The following KANK4 variants were observed in gnomAD, a reference collection of about 807,000 sequenced individuals.
KANK4 encodes the protein KN motif and ankyrin repeat domain-containing protein 4.
Under a neutral mutation model 80.8 loss-of-function variants are expected in KANK4, and 50 were observed. That is an observed-to-expected ratio of 0.62 (90% CI 0.49 to 0.78). The LOEUF (loss-of-function observed/expected upper bound fraction) is 0.78. KANK4 is among the 30% of genes least tolerant of loss of function. The pLI, the probability that KANK4 is intolerant of heterozygous loss-of-function variation, is 0.00. For missense variants in KANK4, 1,196 were observed against 1,240.1 expected (o/e 0.96, Z 0.53); for synonymous variants, 465 against 506.9 (o/e 0.92, Z 1.11).
intron 8 of KANK4, 102 bp downstream of exon 8, chr1:62,252,965 A>G (rs1671657378): frequency 1.4e-6 from 2 of 1,415,482 alleles, no homozygotes; most frequent in Admixed American, 2.1e-5. Flanking sequence ...CCTTGGGTTA[A>G]AAACTACATG....
rs190008350 is a variant in KANK4 at position 62,271,612 on chromosome 1, G to A, written c.1901-23C>T. 346 of 1,539,770 alleles carry A rather than the reference G, an allele frequency of 2.2e-4. 1 individual carries two copies. In the African/African-American group the frequency reaches 4.2e-3, roughly 19 times the overall value. On this transcript the variant is annotated intron_variant, in intron 3 of 9. Coordinates refer to ENST00000371153, the MANE Select transcript of KANK4 (RefSeq NM_181712.5). ...TCTCTAGGCAGACACAACATCACAG[G>A]TTAGAATGATCTTGGGGATGCATGG...
At chr1:62,292,219 T>C (rs1672693755) in intron 1 of KANK4, among the ~76,000 whole-genome samples, 1 of 152,180 alleles carries the variant, frequency 6.6e-6, no homozygotes. Context: ...AAAAAGGATT[T>C]TTTCAGGTCA....
chr1:62,239,956 A>C (rs1363793624), intron 9 of KANK4, among the ~76,000 whole-genome samples: 1 of 152,174 alleles, frequency 6.6e-6, no homozygotes, highest in Non-Finnish European at 1.5e-5. Context: ...GCTATTGTGA[A>C]TAGTGCCACA....
At chr1:62,291,324 G>A (rs1323244392) in intron 1 of KANK4, among the ~76,000 whole-genome samples, 1 of 152,062 alleles carries the variant, frequency 6.6e-6, no homozygotes, top group Non-Finnish European at 1.5e-5. Flanking sequence ...CACATATTCA[G>A]GATATTAACC....
Position 62,273,830 on chromosome 1 carries a change from C to A in KANK4, c.1274G>T (p.Arg425Met). 1 of 1,614,232 alleles carries A rather than the reference C, an allele frequency of 6.2e-7. No individual in the cohort carries two copies. The highest frequency in any genetic ancestry group is 8.5e-7 in the Non-Finnish European group (1 of 1,180,038). ...TTCAATGCCCTTATCACACGACTCC[C>A]TGGTCAAGAGTCCATGGACAGGGTC... is the stretch of plus-strand genomic sequence containing the variant. ...NTDPVHGLLTRESCDKGIEVN... is the reference protein window; with the variant it reads ...NTDPVHGLLTMESCDKGIEVN... The change falls in exon 3 of 10, where the codon AGG becomes ATG. Residue 425 changes from arginine to methionine, a missense_variant. Transcript: ENST00000371153.
At chr1:62,308,379 G>A (rs999819317) in intron 1 of KANK4, among the ~76,000 whole-genome samples, 5 of 152,124 alleles carry the variant, frequency 3.3e-5, no homozygotes, top group Admixed American at 1.3e-4. Flanking sequence ...ACAAGAGCAG[G>A]GGTGGGAGGA....
intron 4 of KANK4, among the ~76,000 whole-genome samples, chr1:62,270,237 C>T (rs969269868): frequency 6.6e-6 from 1 of 152,102 alleles, no homozygotes; most frequent in Non-Finnish European, 1.5e-5. Flanking sequence ...TGGGGAGAGA[C>T]GTGACCTATA....
In KANK4 at chr1:62,266,767, G is replaced by A; in HGVS notation, c.2284C>T (p.Leu762=). 1 of 1,613,310 alleles carries A rather than the reference G, an allele frequency of 6.2e-7. No individual in the cohort carries two copies. Among genetic ancestry groups the A allele is most frequent in the South Asian group, 1.1e-5 (1 of 91,048 alleles). ...TCTGTGGTGGTCCCAGTTTCTGGCAGATGCTGGCTCAGTGCCCGGCATGCA... is the reference window on the plus strand; with the variant it reads ...TCTGTGGTGGTCCCAGTTTCTGGCAAATGCTGGCTCAGTGCCCGGCATGCA... ...LNACRALSQH[L]PETGTTTDQL... The change falls in exon 6 of 10, where the codon CTG becomes TTG. Residue 762 remains leucine, a synonymous_variant. Coordinates refer to ENST00000371153, the MANE Select transcript of KANK4 (RefSeq NM_181712.5).
rs1446756631 is a variant in KANK4 at position 62,281,540 on chromosome 1, C to G, written c.16+9G>C. ...TCTTAAACCAGGCCCTACAAAGCAG[C>G]TTGCCTACCATCTGTCTTCTCCATC... On this transcript the variant is annotated intron_variant, in intron 2 of 9. Coordinates refer to ENST00000371153, the MANE Select transcript of KANK4 (RefSeq NM_181712.5). The G allele has an allele frequency of 1.1e-5, 18 of 1,614,232 alleles. No individual in the cohort carries two copies. Among genetic ancestry groups the G allele is most frequent in the Non-Finnish European group, 1.3e-5 (15 of 1,180,034 alleles).
chr1:62,296,046 G>A (rs939084622), intron 1 of KANK4, among the ~76,000 whole-genome samples: 1 of 152,234 alleles, frequency 6.6e-6, no homozygotes, highest in Non-Finnish European at 1.5e-5. Flanking sequence ...GCTGCCTCAT[G>A]GCCCAGCCTC....
Position 62,238,374 on chromosome 1 carries a change from C to T in KANK4, c.2891G>A (p.Arg964His), listed in dbSNP as rs151055866. 1.6e-3 allele frequency: 2,524 copies of T among 1,613,634 alleles called. 3 individuals carry two copies. Among genetic ancestry groups the T allele is most frequent in the East Asian group, 3.7e-3 (167 of 44,862 alleles). ...CTTCAGAGCGATGGACAAAGCTGTGCGGCCAGCCTACAGGAGAAAAAGGAA... is the reference window on the plus strand; with the variant it reads ...CTTCAGAGCGATGGACAAAGCTGTGTGGCCAGCCTACAGGAGAAAAAGGAA... ...CDSSLTDKAG[R>H]TALSIALKSP... The change falls in exon 10 of 10, where the codon CGC becomes CAC. Residue 964 changes from arginine (R) to histidine (H), a missense_variant. By Grantham distance (29) the Arg-to-His change is conservative (BLOSUM62 0). This residue lies in a region of KANK4 where 1,154 missense variants were observed against 1,179.6 expected (regional missense o/e 0.98). Transcript: ENST00000371153.
intron 1 of KANK4, among the ~76,000 whole-genome samples, chr1:62,308,555 G>A (rs1644472576): frequency 6.6e-6 from 1 of 152,094 alleles, no homozygotes; most frequent in Admixed American, 6.6e-5. Context: ...GTCTCAGGAG[G>A]AATCACAAAG....
chr1:62,289,291 GC>G (rs1672632455), intron 1 of KANK4, among the ~76,000 whole-genome samples: 1 of 152,196 alleles, frequency 6.6e-6, no homozygotes, highest in Non-Finnish European at 1.5e-5. Context: ...TAAAGCACTT[GC>G]CCAGGTATCG....
intron 5 of KANK4, 110 bp from the exon 6 acceptor site, chr1:62,266,929 T>C: frequency 3.0e-6 from 2 of 676,978 alleles, no homozygotes; most frequent in Non-Finnish European, 5.1e-6. Context: ...AAATCCAAAC[T>C]GGGCAACTGC....
At chr1:62,297,226 C>T (rs760334313) in intron 1 of KANK4, among the ~76,000 whole-genome samples, 1 of 152,028 alleles carries the variant, frequency 6.6e-6, no homozygotes, top group Non-Finnish European at 1.5e-5. Flanking sequence ...GAGTGAGACT[C>T]CGTCTCAAAA....
In KANK4 at chr1:62,274,469, C is replaced by T. The variant is rs1231473695; in HGVS notation, c.635G>A (p.Gly212Asp). 1.2e-6 allele frequency: 2 copies of T among 1,614,212 alleles called. No homozygotes were observed. The highest frequency in any genetic ancestry group is 1.7e-6 in the Non-Finnish European group (2 of 1,180,044). The change falls in exon 3 of 10, where the codon GGT (glycine) becomes GAT (aspartate). Residue 212 changes from glycine (G) to aspartate (D), a missense_variant. Coordinates refer to ENST00000371153, the MANE Select transcript of KANK4 (RefSeq NM_181712.5). Reference sequence around the variant, plus strand: ...TGCTCGTGGGCTGGAGCTGTGGAAACCTGCCAATCCTTCTGCAGGTTCAAA... The same window carrying T: ...TGCTCGTGGGCTGGAGCTGTGGAAATCTGCCAATCCTTCTGCAGGTTCAAA... ...GTFEPAEGLAGFHSSSPRAST... is the reference protein window; with the variant it reads ...GTFEPAEGLADFHSSSPRAST...
chr1:62,282,617 T>C (rs61776889), intron 1 of KANK4, among the ~76,000 whole-genome samples: 102 of 152,076 alleles, frequency 6.7e-4, no homozygotes, highest in Non-Finnish European at 1.2e-3. Flanking sequence ...AACAAGTAAC[T>C]GGAGAAGAGG....
chr1:62,318,869 C>G (rs555848015), intron 1 of KANK4, among the ~76,000 whole-genome samples: 1 of 152,178 alleles, frequency 6.6e-6, no homozygotes, highest in Non-Finnish European at 1.5e-5. Context: ...CGAGCAGCCC[C>G]GCTCCTTTTC....
intron 1 of KANK4, among the ~76,000 whole-genome samples, chr1:62,291,398 T>C (rs1341526041): frequency 2.6e-5 from 4 of 152,210 alleles, no homozygotes; most frequent in Non-Finnish European, 5.9e-5. Context: ...ACCTTGTATA[T>C]GGTATAAGAT....
Sources: allele counts gnomAD v4.1 joint callset (sites outside exome capture counted in the v4.1 genomes callset), GRCh38; gene constraint gnomAD v4.1.1; regional missense constraint gnomAD v4.1.1; transcripts MANE v1.5; gene names NCBI Gene and HGNC (gene_info 2026-07-23, HGNC 2026-07-21).